NUDCD1: variants seen among roughly 807,000 people sequenced by gnomAD.
NUDCD1 encodes nudC domain-containing protein 1.
NUDCD1 carries 60 observed loss-of-function variants against 67.8 expected under a neutral mutation model. The observed-to-expected ratio is 0.88, with a 90% CI of 0.72 to 1.10. The LOEUF is 1.10. NUDCD1 is among the 50% of genes least tolerant of loss of function. The probability of loss-of-function intolerance (pLI) is 0.00; values close to 1 mark genes in which losing one functional copy is unlikely to be tolerated. For synonymous variants in NUDCD1, 244 were observed against 230.8 expected (o/e 1.06, Z -0.52); for missense variants, 643 against 695.0 (o/e 0.93, Z 0.84).
Position 109,241,906 on chromosome 8 carries a change from G to A in NUDCD1, c.*1103C>T, listed in dbSNP as rs1340247277. The stretch of plus-strand genomic sequence containing the variant: ...TACATATCTTGAAATGGTATAAAAA[G>A]TAATAAAAATTTCCAGGTACATACA... On this transcript the variant is annotated 3_prime_UTR_variant, in exon 10 of 10. Coordinates refer to ENST00000239690, the MANE Select transcript of NUDCD1 (RefSeq NM_032869.4). The A allele has an allele frequency of 5.1e-6, 2 of 393,390 alleles. No individual in the cohort carries two copies. Among genetic ancestry groups the A allele is most frequent in the Admixed American group, 4.4e-5 (1 of 22,594 alleles). The allele number at this position is 393,390 out of a possible 1,614,324, so 24.4% of individuals were successfully genotyped here.
intron 8 of NUDCD1, among the ~76,000 whole-genome samples, chr8:109,256,072 G>A (rs757962679): frequency 2.1e-4 from 32 of 151,858 alleles, no homozygotes; most frequent in East Asian, 5.8e-4. Context: ...TTAGCTAGGC[G>A]TGTTGGGATG....
intron 9 of NUDCD1, among the ~76,000 whole-genome samples, chr8:109,243,614 C>G (rs528532264): frequency 7.2e-5 from 11 of 152,266 alleles, no homozygotes; most frequent in African/African-American, 2.6e-4. Flanking sequence ...ATCTAAAACA[C>G]TCAATACATG....
intron 2 of NUDCD1, among the ~76,000 whole-genome samples, chr8:109,318,721 A>T (rs1815461464): frequency 6.6e-6 from 1 of 152,182 alleles, no homozygotes; most frequent in Non-Finnish European, 1.5e-5. Context: ...CTCCTTTCTG[A>T]ACATTTTGAG....
chr8:109,258,401 T>A (rs2129905845), intron 8 of NUDCD1, among the ~76,000 whole-genome samples: 1 of 152,078 alleles, frequency 6.6e-6, no homozygotes, highest in Admixed American at 6.6e-5. Context: ...ATAATAATAA[T>A]AAACAAACTG....
intron 8 of NUDCD1, among the ~76,000 whole-genome samples, chr8:109,260,215 G>C (rs919206936): frequency 6.6e-6 from 1 of 152,334 alleles, no homozygotes; most frequent in African/African-American, 2.4e-5. Context: ...TTCGAGAGAA[G>C]GTCTCACTCT....
intron 8 of NUDCD1, among the ~76,000 whole-genome samples, chr8:109,252,774 G>A (rs1312404849): frequency 1.3e-5 from 2 of 152,166 alleles, no homozygotes; most frequent in Non-Finnish European, 2.9e-5. Flanking sequence ...ATTTTAAGCT[G>A]TTGGCTGCCC....
At chr8:109,270,082 GTGCCTT>G (rs1814107248) in intron 8 of NUDCD1, among the ~76,000 whole-genome samples, 1 of 38,444 alleles carries the variant, frequency 2.6e-5, no homozygotes, top group African/African-American at 1.4e-4. Flanking sequence ...GGGGGGGGGG[GTGCCTT>G]AAGGTGGGGT....
intron 2 of NUDCD1, among the ~76,000 whole-genome samples, chr8:109,299,879 G>C (rs763413752): frequency 6.6e-6 from 1 of 152,198 alleles, no homozygotes; most frequent in South Asian, 2.1e-4. Context: ...CACAAGGACA[G>C]GTGCTGGTAT....
chr8:109,266,248 C>T (rs1432310377), intron 8 of NUDCD1, among the ~76,000 whole-genome samples: 12 of 150,870 alleles, frequency 8.0e-5, no homozygotes, highest in Middle Eastern at 3.4e-3. Context: ...TTTTTTGAGA[C>T]GGAGTCTCGC....
chr8:109,321,251 A>C (rs2130130007), intron 2 of NUDCD1, among the ~76,000 whole-genome samples: 1 of 152,326 alleles, frequency 6.6e-6, no homozygotes, highest in Admixed American at 6.5e-5. Flanking sequence ...CAAATATATT[A>C]ACAATGTATT....
intron 8 of NUDCD1, among the ~76,000 whole-genome samples, chr8:109,252,980 A>G (rs907673701): frequency 6.6e-6 from 1 of 152,220 alleles, no homozygotes; most frequent in Admixed American, 6.5e-5. Context: ...ACCAGTGACA[A>G]TTCAATATCT....
intron 1 of NUDCD1, among the ~76,000 whole-genome samples, chr8:109,325,189 G>C (rs998832686): frequency 2.6e-5 from 4 of 152,078 alleles, no homozygotes; most frequent in African/African-American, 9.7e-5. Flanking sequence ...AGTTATCAGA[G>C]GCTGGGAAAG....
Position 109,305,459 on chromosome 8 carries a change from G to A in NUDCD1, c.274-8890C>T, listed in dbSNP as rs145356380. On this transcript the variant is annotated intron_variant, in intron 2 of 9. Coordinates refer to ENST00000239690, the MANE Select transcript of NUDCD1 (RefSeq NM_032869.4). ...CCTCAATCTTCAGGAAAAGTAGAAC[G>A]GACTAATGGTCTTTTAAAGACACAC... 3.4e-4 allele frequency among the ~76,000 whole-genome samples: 52 copies of A among 152,172 alleles called. No homozygotes were observed. In the East Asian group the frequency reaches 9.3e-3, roughly 27 times the overall value.
chr8:109,307,476 T>G (rs536716415), intron 2 of NUDCD1, among the ~76,000 whole-genome samples: 1 of 152,306 alleles, frequency 6.6e-6, no homozygotes, highest in African/African-American at 2.4e-5. Context: ...ACTACAGAAC[T>G]GCTAAAAGGA....
At chr8:109,317,002 T>C (rs1179835950) in intron 2 of NUDCD1, among the ~76,000 whole-genome samples, 1 of 151,868 alleles carries the variant, frequency 6.6e-6, no homozygotes, top group East Asian at 1.9e-4. Context: ...CTTGATTAGG[T>C]AAAAAGAGGA....
rs752694084 is a variant in NUDCD1 at position 109,271,167 on chromosome 8, C to CA, written c.1174-38dup. Reference sequence around the variant, plus strand: ...AAATAAAATAAGTAAATAAGTAAAACAAATAAACAAGGGAATGGGTTTCTT... The same window carrying CA: ...AAATAAAATAAGTAAATAAGTAAAACAAAATAAACAAGGGAATGGGTTTCTT... On this transcript the variant is annotated intron_variant, in intron 7 of 9. Coordinates refer to ENST00000239690, the MANE Select transcript of NUDCD1 (RefSeq NM_032869.4). The CA allele has an allele frequency of 1.0e-4, 139 of 1,396,852 alleles. No homozygotes were observed. In the Admixed American group the frequency reaches 2.9e-3, roughly 29 times the overall value. The allele number at this position is 1,396,852 out of a possible 1,614,324, so 86.5% of individuals were successfully genotyped here. A position where few individuals can be genotyped will look rare whatever the true frequency, so the allele number is the denominator to read the frequency against.
intron 4 of NUDCD1, 30 bp downstream of exon 4, chr8:109,293,314 A>G: frequency 8.0e-7 from 1 of 1,254,404 alleles, no homozygotes; most frequent in Non-Finnish European, 1.1e-6. Context: ...AATGCCAACC[A>G]GTAGAGACAG....
chr8:109,285,360 C>G (rs545807866), intron 5 of NUDCD1, among the ~76,000 whole-genome samples: 1 of 151,880 alleles, frequency 6.6e-6, no homozygotes, highest in African/African-American at 2.4e-5. Context: ...AAGACACACA[C>G]AAAAAAACTA....
intron 2 of NUDCD1, among the ~76,000 whole-genome samples, chr8:109,318,455 A>C (rs1281576873): frequency 6.6e-6 from 1 of 152,240 alleles, no homozygotes; most frequent in Non-Finnish European, 1.5e-5. Context: ...TTTGATCATT[A>C]AAATTTATTT....
Sources: gnomAD v4.1 joint callset for allele counts (sites outside exome capture counted in the v4.1 genomes callset) on GRCh38, gnomAD v4.1.1 for gene constraint, MANE v1.5 for transcripts, NCBI Gene and HGNC (gene_info 2026-07-23, HGNC 2026-07-21) for gene names.